Variants in MAML2 observed in about 807,000 individuals in gnomAD.
The protein encoded by MAML2 is mastermind-like protein 2.
In MAML2, 22 loss-of-function variants were observed where a neutral mutation model predicts 96.1. The ratio of observed to expected loss-of-function variants is 0.23; its 90% confidence interval spans 0.16 to 0.33. The LOEUF (loss-of-function observed/expected upper bound fraction) is 0.33. MAML2 is among the 10% of genes least tolerant of loss of function. MAML2 has a pLI of 1.00. For missense variants in MAML2, 1,367 were observed against 1,392.4 expected, an observed-to-expected ratio of 0.98 and a Z score of 0.29; for synonymous variants, 561 against 521.3, an observed-to-expected ratio of 1.08 and a Z score of -1.04.
At position 96,106,980 on chromosome 11, in the gene MAML2, C is replaced by CTTTTTTTTTTTTTTT. The variant is rs71040129; in HGVS notation, c.514-13464_514-13463insAAAAAAAAAAAAAAA. 2.9e-4 allele frequency among the ~76,000 whole-genome samples: 26 copies of CTTTTTTTTTTTTTTT among 90,318 alleles called. 3 individuals are homozygous for CTTTTTTTTTTTTTTT. Among genetic ancestry groups the CTTTTTTTTTTTTTTT allele is most frequent in the Admixed American group, 3.1e-4 (2 of 6,440 alleles). 59.3% of individuals were successfully genotyped at this position (90,318 alleles called of 152,430 possible). On this transcript the variant is annotated intron_variant, in intron 1 of 4. Coordinates refer to ENST00000524717, the MANE Select transcript of MAML2 (RefSeq NM_032427.4). ...TGCCATTGTAACTATGAAAAGAGTC[C>CTTTTTTTTTTTTTTT]TTTTTTTTTTTTTGACCAGTGTATT...
intron 2 of MAML2, among the ~76,000 whole-genome samples, chr11:96,046,822 C>A (rs914888969): frequency 2.0e-5 from 3 of 152,194 alleles, no homozygotes; most frequent in Admixed American, 6.5e-5. Context: ...GGTATCACCT[C>A]CAAAACCTGT....
At chr11:96,117,752 T>C (rs1860268945) in intron 1 of MAML2, among the ~76,000 whole-genome samples, 2 of 152,166 alleles carry the variant, frequency 1.3e-5, no homozygotes, top group South Asian at 4.1e-4. Context: ...TACAATCTGC[T>C]GAAAGCTCAC....
At chr11:96,123,106 C>T (rs1204361989) in intron 1 of MAML2, among the ~76,000 whole-genome samples, 2 of 152,100 alleles carry the variant, frequency 1.3e-5, no homozygotes, top group Middle Eastern at 3.2e-3. Context: ...GATGAGATGC[C>T]CATGTCTGTT....
intron 1 of MAML2, among the ~76,000 whole-genome samples, chr11:96,326,293 T>C (rs1343241951): frequency 1.3e-5 from 2 of 151,964 alleles, no homozygotes; most frequent in Non-Finnish European, 2.9e-5. Context: ...TTTTAAGAGA[T>C]TATCTAGTCC....
chr11:96,236,766 A>G (rs956995334), intron 1 of MAML2, among the ~76,000 whole-genome samples: 1 of 152,216 alleles, frequency 6.6e-6, no homozygotes, highest in African/African-American at 2.4e-5. Flanking sequence ...GGATGTTATC[A>G]ACCCTACAGA....
At chr11:96,289,724 C>G (rs1863184682) in intron 1 of MAML2, among the ~76,000 whole-genome samples, 1 of 152,052 alleles carries the variant, frequency 6.6e-6, no homozygotes, top group Non-Finnish European at 1.5e-5. Context: ...ATTACGTTTA[C>G]TTTTAGAGTA....
chr11:96,307,938 T>C (rs1264866694), intron 1 of MAML2, among the ~76,000 whole-genome samples: 1 of 152,094 alleles, frequency 6.6e-6, no homozygotes, highest in Admixed American at 6.6e-5. Flanking sequence ...TATCATTTTA[T>C]AGGGGAAAGG....
chr11:96,188,027 G>A (rs967223766), intron 1 of MAML2, among the ~76,000 whole-genome samples: 2 of 152,156 alleles, frequency 1.3e-5, no homozygotes, highest in African/African-American at 4.8e-5. Context: ...TCCCTCTGAT[G>A]TTTCTGACTT....
At chr11:96,271,950 A>G (rs1486437572) in intron 1 of MAML2, among the ~76,000 whole-genome samples, 2 of 152,196 alleles carry the variant, frequency 1.3e-5, no homozygotes, top group African/African-American at 4.8e-5. Context: ...TTCCTAGAGC[A>G]TTCCAGGGAT....
At chr11:96,158,374 T>C (rs1861046144) in intron 1 of MAML2, among the ~76,000 whole-genome samples, 1 of 152,176 alleles carries the variant, frequency 6.6e-6, no homozygotes. Context: ...GCAAGCAATA[T>C]GCTGCCCAGG....
chr11:96,055,758 T>A (rs556409018), intron 2 of MAML2, among the ~76,000 whole-genome samples: 1 of 152,118 alleles, frequency 6.6e-6, no homozygotes, highest in Non-Finnish European at 1.5e-5. Context: ...TTAGTAAACA[T>A]CAATCTTAGG....
chr11:96,274,694 TA>T (rs1296452746), intron 1 of MAML2, among the ~76,000 whole-genome samples: 1 of 152,164 alleles, frequency 6.6e-6, no homozygotes, highest in Non-Finnish European at 1.5e-5. Flanking sequence ...AAATAAAACA[TA>T]AGTTGAAACA....
chr11:96,148,659 T>TACACACACACACACACACAC (rs58470055), intron 1 of MAML2, among the ~76,000 whole-genome samples: 9 of 131,870 alleles, frequency 6.8e-5, no homozygotes, highest in African/African-American at 2.0e-4. Context: ...TTCTGAAAAA[T>TACACACACACACACACACAC]ACACACACAC....
intron 1 of MAML2, among the ~76,000 whole-genome samples, chr11:96,185,986 A>G (rs559230099): frequency 9.9e-5 from 15 of 152,136 alleles, no homozygotes; most frequent in Non-Finnish European, 2.2e-4. Flanking sequence ...CCCTCCCCAG[A>G]CCTACTGGGT....
chr11:96,024,153 G>C (rs1283678024), intron 2 of MAML2, among the ~76,000 whole-genome samples: 1 of 152,202 alleles, frequency 6.6e-6, no homozygotes, highest in Non-Finnish European at 1.5e-5. Context: ...TTTAATAGAT[G>C]ATTAAAAATT....
chr11:96,115,430 G>A (rs1374056687), intron 1 of MAML2, among the ~76,000 whole-genome samples: 1 of 151,614 alleles, frequency 6.6e-6, no homozygotes, highest in Admixed American at 6.6e-5. Context: ...CTCAGCTGAA[G>A]CACTGCGATT....
At chr11:96,022,718 A>G (rs1858454230) in intron 2 of MAML2, among the ~76,000 whole-genome samples, 1 of 152,210 alleles carries the variant, frequency 6.6e-6, no homozygotes, top group African/African-American at 2.4e-5. Flanking sequence ...ATGGAAAATG[A>G]AGCTAATTAT....
At chr11:96,035,854 G>C (rs1469183215) in intron 2 of MAML2, among the ~76,000 whole-genome samples, 1 of 152,074 alleles carries the variant, frequency 6.6e-6, no homozygotes, top group Non-Finnish European at 1.5e-5. Context: ...GCCTCCATTC[G>C]AGTCCTAGCT....
chr11:96,333,962 G>A (rs533152245), intron 1 of MAML2, among the ~76,000 whole-genome samples: 1 of 152,294 alleles, frequency 6.6e-6, no homozygotes, highest in Admixed American at 6.5e-5. Context: ...TGGAAACCCA[G>A]ACTGAATTCT....
Sources: gnomAD v4.1 joint callset for allele counts (sites outside exome capture counted in the v4.1 genomes callset) on GRCh38, gnomAD v4.1.1 for gene constraint, MANE v1.5 for transcripts, NCBI Gene and HGNC (gene_info 2026-07-23, HGNC 2026-07-21) for gene names.